TRPM6: variants seen among roughly 807,000 people sequenced by gnomAD.
TRPM6 encodes transient receptor potential cation channel subfamily M member 6.
Under a neutral mutation model 247.6 loss-of-function variants are expected in TRPM6, and 111 were observed. The observed-to-expected ratio is 0.45, with a 90% confidence interval of 0.38 to 0.52. The LOEUF (loss-of-function observed/expected upper bound fraction) is 0.52, where lower values mean the gene tolerates loss of function less well. Among genes scored for constraint, TRPM6 ranks in the 20% least tolerant of loss-of-function variants. The pLI is 0.00. For synonymous variants in TRPM6, 892 were observed against 853.8 expected, an observed-to-expected ratio of 1.04 and a Z score of -0.78; for missense variants, 2,126 against 2,421.5, an observed-to-expected ratio of 0.88 and a Z score of 2.56.
At position 74,750,738 on chromosome 9, in the gene TRPM6, A is replaced by C. The variant is rs1826217126; in HGVS notation, c.4999-16T>G. The C allele has an allele frequency of 3.7e-6, 6 of 1,613,564 alleles. No homozygotes were observed. Among genetic ancestry groups the C allele is most frequent in the Non-Finnish European group, 5.1e-6 (6 of 1,179,612 alleles). On this transcript the variant is annotated splice_polypyrimidine_tract_variant and intron_variant, in intron 29 of 38. Transcript: ENST00000360774. ...TGCTGAGATCCTGAGCAGAAGGGAA[A>C]GGCCGTTACGTGTGTGCTCAACATA...
chr9:74,861,027 AAAAGAAAG>A (rs3056771), intron 1 of TRPM6, among the ~76,000 whole-genome samples: 3 of 151,200 alleles, frequency 2.0e-5, no homozygotes, highest in Non-Finnish European at 3.0e-5. Context: ...TGTCACAAAA[AAAAGAAAG>A]AAAGAAAGAA....
At chr9:74,812,261 T>C (rs1828758501) in intron 12 of TRPM6, 38 bp downstream of exon 12, 1 of 1,612,196 alleles carries the variant, frequency 6.2e-7, no homozygotes, top group Non-Finnish European at 8.5e-7. Context: ...TCTTCTTGAA[T>C]CTGGAGGGAA....
At chr9:74,780,165 C>CA (rs372044136) in intron 23 of TRPM6, among the ~76,000 whole-genome samples, 14,890 of 128,210 alleles carry the variant, frequency 0.12, 796 homozygotes, top group South Asian at 0.25. Context: ...GAGAGAGACT[C>CA]AAAAAAAAAA....
At chr9:74,859,744 G>T (rs998637575) in intron 1 of TRPM6, among the ~76,000 whole-genome samples, 7 of 151,308 alleles carry the variant, frequency 4.6e-5, no homozygotes, top group Non-Finnish European at 8.8e-5. Context: ...ACTGCACTCT[G>T]GCCTGGGTGG....
In TRPM6 at chr9:74,820,420, G is replaced by T. The variant is rs750008274; in HGVS notation, c.1018C>A (p.Arg340=). ...HKHLADEGML[R]PQVKEEIICM... ...ATGATCTCCTCTTTCACCTGAGGTC[G>T]CAGCATCCTGGAAGAGAAATAAATG... is the stretch of plus-strand genomic sequence containing the variant. Residue 340 remains arginine, a synonymous_variant, in exon 9 of 39, where the codon CGA becomes AGA. Transcript: ENST00000360774. 2 of 1,613,854 alleles carry T rather than the reference G, an allele frequency of 1.2e-6. No individual in the cohort carries two copies. Among genetic ancestry groups the T allele is most frequent in the Non-Finnish European group, 1.7e-6 (2 of 1,179,994 alleles).
chr9:74,854,104 A>G (rs1402886440), intron 3 of TRPM6, among the ~76,000 whole-genome samples: 1 of 152,216 alleles, frequency 6.6e-6, no homozygotes, highest in Non-Finnish European at 1.5e-5. Context: ...AGACAGCATC[A>G]GAAATGAGTG....
At chr9:74,736,744 C>G (rs1825708448) in intron 36 of TRPM6, among the ~76,000 whole-genome samples, 1 of 152,208 alleles carries the variant, frequency 6.6e-6, no homozygotes, top group Non-Finnish European at 1.5e-5. Context: ...CCTATTTCTG[C>G]AATTCACATA....
At chr9:74,879,401 G>T (rs914289439) in intron 1 of TRPM6, among the ~76,000 whole-genome samples, 4 of 151,694 alleles carry the variant, frequency 2.6e-5, no homozygotes, top group African/African-American at 9.7e-5. Flanking sequence ...TATATATAGG[G>T]TTTTACCCAT....
At chr9:74,797,053 G>A (rs550742359) in intron 17 of TRPM6, among the ~76,000 whole-genome samples, 160 bp from the exon 18 acceptor site, 1 of 152,276 alleles carries the variant, frequency 6.6e-6, no homozygotes, top group East Asian at 1.9e-4. Context: ...GGCAACTTCA[G>A]TTCTAGTGTT....
rs768161494 is a variant in TRPM6 at position 74,796,767 on chromosome 9, T to C, written c.2365A>G (p.Ser789Gly). 6.2e-7 allele frequency: 1 copy of C among 1,614,078 alleles called. No homozygotes were observed. Among genetic ancestry groups the C allele is most frequent in the South Asian group, 1.1e-5 (1 of 91,080 alleles). ...FMWYYSDQNASSSKESASVKE... is the reference protein window; with the variant it reads ...FMWYYSDQNAGSSKESASVKE... ...ACAGAAGCACTTTCTTTGGAACTGC[T>C]GGCGTTCTGGTCACTGTAATACCAC... Residue 789 changes from serine (S) to glycine (G), a missense_variant, in exon 18 of 39, where the codon AGC (serine) becomes GGC (glycine). This residue lies in a region of TRPM6 where 1,082 missense variants were observed against 1,307.9 expected (regional missense o/e 0.83). Transcript: ENST00000360774.
intron 25 of TRPM6, among the ~76,000 whole-genome samples, chr9:74,769,608 A>C (rs1248345136): frequency 6.6e-6 from 1 of 151,878 alleles, no homozygotes; most frequent in Non-Finnish European, 1.5e-5. Context: ...AATACAAAAA[A>C]TTAGCCGGGT....
intron 19 of TRPM6, among the ~76,000 whole-genome samples, chr9:74,791,845 C>T (rs1277055965): frequency 1.3e-5 from 2 of 152,104 alleles, no homozygotes; most frequent in Non-Finnish European, 2.9e-5. Context: ...AGGCTCTGCC[C>T]CCTGGGGTTC....
intron 27 of TRPM6, among the ~76,000 whole-genome samples, chr9:74,756,681 C>CAAAA (rs1217543421): frequency 8.9e-4 from 46 of 51,562 alleles, no homozygotes; most frequent in African/African-American, 1.5e-3. Flanking sequence ...CCCGTCTCTA[C>CAAAA]AAAAAAAAAA....
At chr9:74,854,323 GAGAGTTTCTAA>G (rs1170061301) in intron 3 of TRPM6, among the ~76,000 whole-genome samples, 1 of 152,166 alleles carries the variant, frequency 6.6e-6, no homozygotes, top group Non-Finnish European at 1.5e-5. Flanking sequence ...CATTGAGAAG[GAGAGTTTCTAA>G]AGAATATAGT....
intron 5 of TRPM6, among the ~76,000 whole-genome samples, chr9:74,836,306 G>A (rs761459737): frequency 2.0e-5 from 3 of 152,116 alleles, no homozygotes; most frequent in Non-Finnish European, 2.9e-5. Flanking sequence ...TTCTTCCTAT[G>A]TGTGGTACTG....
At chr9:74,834,886 G>A (rs1040410702) in intron 5 of TRPM6, among the ~76,000 whole-genome samples, 4 of 151,990 alleles carry the variant, frequency 2.6e-5, no homozygotes, top group Non-Finnish European at 4.4e-5. Context: ...GAATAGTGCC[G>A]CAATAAACAT....
chr9:74,771,392 TTCA>T (rs2118880710), intron 25 of TRPM6, among the ~76,000 whole-genome samples: 1 of 152,244 alleles, frequency 6.6e-6, no homozygotes, highest in Non-Finnish European at 1.5e-5. Context: ...CTCCATCCAC[TTCA>T]TTTCTCTCAC....
In TRPM6 at chr9:74,840,838, AAAAAAAAGAAAGAAAGAAAAAAAAAG is replaced by A. The variant is rs886713897; in HGVS notation, c.331-627_331-602del. Among the ~76,000 whole-genome samples, 28 of 151,562 alleles carry A rather than the reference AAAAAAAAGAAAGAAAGAAAAAAAAAG, an allele frequency of 1.8e-4. No individual in the cohort carries two copies. In the South Asian group the frequency reaches 4.2e-3, roughly 22 times the overall value. ...AGCAGGACTCTGTCTCAAAAAAAAA[AAAAAAAAGAAAGAAAGAAAAAAAAAG>A]AAAAGAAAAAGAAATATTTCGAACA... On this transcript the variant is annotated intron_variant, in intron 4 of 38. Transcript: ENST00000360774.
intron 7 of TRPM6, among the ~76,000 whole-genome samples, chr9:74,824,319 T>C (rs1244205236): frequency 6.6e-6 from 1 of 151,604 alleles, no homozygotes. Flanking sequence ...CCCGGCTGCT[T>C]TTTTGTATTT....
Sources: gnomAD v4.1 joint callset for allele counts (sites outside exome capture counted in the v4.1 genomes callset) on GRCh38, gnomAD v4.1.1 for gene constraint, gnomAD v4.1.1 regional missense constraint, MANE v1.5 for transcripts, NCBI Gene and HGNC (gene_info 2026-07-23, HGNC 2026-07-21) for gene names.